PCDHGA11: variants seen among roughly 807,000 people sequenced by gnomAD.
PCDHGA11 encodes protocadherin gamma subfamily A, 11.
Under a neutral mutation model 60.4 loss-of-function variants are expected in PCDHGA11, and 39 were observed. The observed-to-expected ratio is 0.65, with a 90% CI of 0.50 to 0.84. The LOEUF (loss-of-function observed/expected upper bound fraction) is 0.84. Ranked by LOEUF, PCDHGA11 falls within the 40% of genes least tolerant of loss-of-function variation. The probability of loss-of-function intolerance (pLI) is 0.00; values close to 1 mark genes in which losing one functional copy is unlikely to be tolerated. For synonymous variants in PCDHGA11, 533 were observed against 510.3 expected (o/e 1.04, Z -0.60); for missense variants, 1,165 against 1,197.7 (o/e 0.97, Z 0.40).
chr5:141,432,685 C>T lies in PCDHGA11; in HGVS notation c.2433+9025C>T, dbSNP rs1561863583. 1 of 1,613,932 alleles carries T rather than the reference C, an allele frequency of 6.2e-7. No individual in the cohort carries two copies. The highest frequency in any genetic ancestry group is 1.7e-5 in the Admixed American group (1 of 60,020). ...ACAGAGACGCGCTCAAGCAGAGCCT[C>T]GTAGTGGCCGTCCAGGACCACGGCC... On this transcript the variant is annotated intron_variant, in intron 1 of 3. Coordinates refer to ENST00000398587, the MANE Select transcript of PCDHGA11 (RefSeq NM_018914.3). This position sits in a 1 kb window ranked among gnomAD's most constrained non-coding sequence, Gnocchi z 6.0.
intron 1 of PCDHGA11, among the ~76,000 whole-genome samples, chr5:141,458,081 G>GTTT (rs1259527184): frequency 6.6e-6 from 1 of 152,186 alleles, no homozygotes; most frequent in Non-Finnish European, 1.5e-5. Flanking sequence ...CTATATTGCC[G>GTTT]TAAGTTAAGA....
chr5:141,436,309 T>C (rs1228417864), intron 1 of PCDHGA11, among the ~76,000 whole-genome samples: 1 of 152,198 alleles, frequency 6.6e-6, no homozygotes, highest in Non-Finnish European at 1.5e-5. Flanking sequence ...AGAGCATGAA[T>C]AGTCAAGACT....
intron 1 of PCDHGA11, chr5:141,429,167 T>TATAC (rs1240034860): frequency 3.1e-4 from 42 of 136,210 alleles, no homozygotes; most frequent in African/African-American, 7.0e-4. Flanking sequence ...AGACATTGTT[T>TATAC]ATACACACAC....
At chr5:141,430,946 G>A (rs2097328634) in intron 1 of PCDHGA11, 1 of 1,609,494 alleles carries the variant, frequency 6.2e-7, no homozygotes, top group Non-Finnish European at 8.5e-7. Flanking sequence ...CGCGGAGCGC[G>A]GAGTCCGCAT....
chr5:141,479,521 T>A (rs4912607), intron 1 of PCDHGA11: 2 of 152,104 alleles, frequency 1.3e-5, no homozygotes, highest in Non-Finnish European at 2.9e-5. Context: ...CTGGCCCAGG[T>A]TGGAAGTGGA....
intron 3 of PCDHGA11, among the ~76,000 whole-genome samples, chr5:141,506,799 A>G (rs1026030023): frequency 5.3e-5 from 8 of 152,198 alleles, no homozygotes; most frequent in Admixed American, 3.9e-4. Flanking sequence ...CTGGCAGAGG[A>G]TCAAGGCATT....
chr5:141,425,478 G>A (rs2096877750), intron 1 of PCDHGA11, among the ~76,000 whole-genome samples: 1 of 152,148 alleles, frequency 6.6e-6, no homozygotes, highest in Admixed American at 6.5e-5. Flanking sequence ...AATTCCTATG[G>A]CAACCTACTA....
At chr5:141,443,029 C>T (rs1281303741) in intron 1 of PCDHGA11, among the ~76,000 whole-genome samples, 3 of 152,192 alleles carry the variant, frequency 2.0e-5, no homozygotes, top group Non-Finnish European at 2.9e-5. Flanking sequence ...AGTTGCCAGA[C>T]CTAAACTTTG....
In PCDHGA11 at chr5:141,486,341, C is replaced by T; in HGVS notation, c.2434-8466C>T. On this transcript the variant is annotated intron_variant, in intron 1 of 3. Coordinates refer to ENST00000398587, the MANE Select transcript of PCDHGA11 (RefSeq NM_018914.3). The surrounding 1 kb of genome is among the most constrained non-coding windows in gnomAD (Gnocchi z 5.0). ...AAACGGAGATGTGAGCCTCCGCATTCCTGACCACTTGCCATTTGCCCTCAA... is the reference window on the plus strand; with the variant it reads ...AAACGGAGATGTGAGCCTCCGCATTTCTGACCACTTGCCATTTGCCCTCAA... The T allele has an allele frequency of 6.2e-7, 1 of 1,614,128 alleles. No individual in the cohort carries two copies. Among genetic ancestry groups the T allele is most frequent in the Non-Finnish European group, 8.5e-7 (1 of 1,179,992 alleles).
At chr5:141,481,913 C>CAAAAAA (rs34114744) in intron 1 of PCDHGA11, among the ~76,000 whole-genome samples, 2 of 90,846 alleles carry the variant, frequency 2.2e-5, no homozygotes, top group Non-Finnish European at 4.4e-5. Flanking sequence ...AACTCCATCT[C>CAAAAAA]AAAAAAAAAA....
rs1434973750 is a variant in PCDHGA11 at position 141,423,050 on chromosome 5, G to T, written c.1823G>T (p.Arg608Leu). 1.2e-6 allele frequency: 2 copies of T among 1,614,068 alleles called. No homozygotes were observed. Among genetic ancestry groups the T allele is most frequent in the Admixed American group, 1.7e-5 (1 of 60,014 alleles). Residue 608 changes from arginine (R) to leucine (L), a missense_variant, in exon 1 of 4, where the codon CGC becomes CTC. By Grantham distance (102) the Arg-to-Leu change is moderately radical (BLOSUM62 -2). Transcript: ENST00000398587. ...DSGQNAWLSY[R>L]LLKASEPGLF... ...GGCCAGAACGCCTGGCTGTCCTATC[G>T]CCTGCTTAAGGCCAGCGAGCCGGGA...
At chr5:141,445,188 GTATTCTA>G (rs1223900471) in intron 1 of PCDHGA11, among the ~76,000 whole-genome samples, 1 of 152,080 alleles carries the variant, frequency 6.6e-6, no homozygotes, top group Non-Finnish European at 1.5e-5. Context: ...ATGTTTTTAT[GTATTCTA>G]TATGCTTTTG....
At chr5:141,442,473 C>T (rs1435437337) in intron 1 of PCDHGA11, 1 of 152,240 alleles carries the variant, frequency 6.6e-6, no homozygotes, top group Non-Finnish European at 1.5e-5. Flanking sequence ...CAGAAAGCCC[C>T]TTGGGGAAGG....
At chr5:141,428,097 C>T (rs2097109296) in intron 1 of PCDHGA11, 2 of 1,608,758 alleles carry the variant, frequency 1.2e-6, no homozygotes, top group African/African-American at 1.3e-5. Flanking sequence ...GCTGTCCTAC[C>T]ACGTGCTGCA....
In PCDHGA11 at chr5:141,422,989, C is replaced by T. The variant is rs777558098; in HGVS notation, c.1762C>T (p.Leu588=). The T allele has an allele frequency of 6.2e-7, 1 of 1,614,232 alleles. No individual in the cohort carries two copies. Among genetic ancestry groups the T allele is most frequent in the African/African-American group, 1.3e-5 (1 of 75,070 alleles). The change falls in exon 1 of 4, where the codon CTG becomes TTG. Residue 588 remains leucine (L), a synonymous_variant. Transcript: ENST00000398587. Reference sequence around the variant, plus strand: ...GCCCCGCTCTGCGGAACCTGGCTACCTGGTGACCAAGGTGGTTGCGGTGGA... The same window carrying T: ...GCCCCGCTCTGCGGAACCTGGCTACTTGGTGACCAAGGTGGTTGCGGTGGA... The part of the protein sequence containing the change: ...LAPRSAEPGY[L]VTKVVAVDKD...
At chr5:141,509,574 G>A (rs554778751) in intron 3 of PCDHGA11, among the ~76,000 whole-genome samples, 7 of 152,182 alleles carry the variant, frequency 4.6e-5, no homozygotes, top group Non-Finnish European at 5.9e-5. Flanking sequence ...TTCACAGTGC[G>A]TACAAATCAG....
In PCDHGA11 at chr5:141,421,388, G is replaced by T; in HGVS notation, c.161G>T (p.Gly54Val). ...GTGGGCAATATCTCCAAGGACCTGGGGCTGGAGCCCCGGGAGCTGGCGAAG... is the reference window on the plus strand; with the variant it reads ...GTGGGCAATATCTCCAAGGACCTGGTGCTGGAGCCCCGGGAGCTGGCGAAG... ...SFVGNISKDL[G>V]LEPRELAKRG... The change falls in exon 1 of 4, where the codon GGG becomes GTG. Residue 54 changes from glycine (G) to valine (V), a missense_variant. Transcript: ENST00000398587. The T allele has an allele frequency of 1.1e-5, 17 of 1,614,052 alleles. No individual in the cohort carries two copies. The highest frequency in any genetic ancestry group is 1.4e-5 in the Non-Finnish European group (17 of 1,179,920).
At position 141,477,879 on chromosome 5, in the gene PCDHGA11, A is replaced by T. The variant is rs932363258; in HGVS notation, c.2434-16928A>T. The T allele has an allele frequency of 3.4e-5, 55 of 1,614,060 alleles. No homozygotes were observed. The highest frequency in any genetic ancestry group is 4.6e-5 in the Non-Finnish European group (54 of 1,180,034). ...CTGCCTCGAGGTACCTCAGCTGGCCACCTAGTGTCACGGGTGGTAGGCTGG... is the reference window on the plus strand; with the variant it reads ...CTGCCTCGAGGTACCTCAGCTGGCCTCCTAGTGTCACGGGTGGTAGGCTGG... On this transcript the variant is annotated intron_variant, in intron 1 of 3. Coordinates refer to ENST00000398587, the MANE Select transcript of PCDHGA11 (RefSeq NM_018914.3). This position sits in a 1 kb window ranked among gnomAD's most constrained non-coding sequence, Gnocchi z 4.9.
At chr5:141,462,497 T>C (rs1333421053) in intron 1 of PCDHGA11, among the ~76,000 whole-genome samples, 1 of 152,244 alleles carries the variant, frequency 6.6e-6, no homozygotes, top group Non-Finnish European at 1.5e-5. Flanking sequence ...TATCCTATAA[T>C]TGTCAACTAG....
Sources: gnomAD v4.1 joint callset for allele counts (sites outside exome capture counted in the v4.1 genomes callset) on GRCh38, gnomAD v4.1.1 for gene constraint, Gnocchi (gnomAD v3.1) non-coding constraint, MANE v1.5 for transcripts, NCBI Gene and HGNC (gene_info 2026-07-23, HGNC 2026-07-21) for gene names.